Variants in TMEM156 observed in about 807,000 individuals in gnomAD.
The protein encoded by TMEM156 is transmembrane protein 156.
A neutral mutation model predicts 30.5 loss-of-function variants in TMEM156; 28 were observed. The observed-to-expected ratio is 0.92, with a 90% CI of 0.68 to 1.26. The LOEUF is 1.26. TMEM156 is among the 50% of genes most tolerant of loss of function. The pLI is 0.00. For synonymous variants in TMEM156, 137 were observed against 119.9 expected (o/e 1.14, Z -0.93); for missense variants, 351 against 340.6 (o/e 1.03, Z -0.24).
rs397879320 is a variant in TMEM156, at chr4:38,966,821, T to TTTTTG, written c.*858_*859insCAAAA. On this transcript the variant is annotated 3_prime_UTR_variant, in exon 7 of 7. Coordinates refer to ENST00000381938, the MANE Select transcript of TMEM156 (RefSeq NM_024943.3). ...TTTGATTTTTTTTTTTTTTTTTTTT[T>TTTTTG]GAGACAGAGTCTTGCTCTGCACCAG... 3.4e-5 allele frequency: 5 copies of TTTTTG among 145,676 alleles called. No homozygotes were observed. Among genetic ancestry groups the TTTTTG allele is most frequent in the African/African-American group, 1.3e-4 (5 of 37,632 alleles). The allele number at this position is 145,676 out of a possible 1,614,324, so 9.0% of individuals were successfully genotyped here.
At chr4:38,984,804 C>T (rs1711854214) in intron 5 of TMEM156, among the ~76,000 whole-genome samples, 1 of 152,158 alleles carries the variant, frequency 6.6e-6, no homozygotes. Context: ...CCTTGACCTA[C>T]ACTAAACATT....
At chr4:39,021,131 A>T (rs1364088531) in intron 1 of TMEM156, among the ~76,000 whole-genome samples, 1 of 152,182 alleles carries the variant, frequency 6.6e-6, no homozygotes, top group African/African-American at 2.4e-5. Context: ...AGCCTGATGC[A>T]GTGGTTGATG....
chr4:38,991,369 G>A (rs1028312005), intron 3 of TMEM156, among the ~76,000 whole-genome samples: 8 of 151,396 alleles, frequency 5.3e-5, no homozygotes, highest in African/African-American at 1.9e-4. Context: ...GACTAAAGGT[G>A]TGCACCACAC....
intron 3 of TMEM156, among the ~76,000 whole-genome samples, chr4:38,992,000 G>T (rs1324021244): frequency 1.3e-5 from 2 of 152,112 alleles, no homozygotes; most frequent in Non-Finnish European, 2.9e-5. Flanking sequence ...AGGTTATAGG[G>T]CCGTGGGAAA....
At chr4:38,995,333 C>T (rs557502420) in intron 2 of TMEM156, among the ~76,000 whole-genome samples, 3 of 152,208 alleles carry the variant, frequency 2.0e-5, no homozygotes, top group Non-Finnish European at 2.9e-5. Context: ...ATCCATAACA[C>T]ACATGTTACC....
At chr4:39,013,143 A>T (rs901578813) in intron 1 of TMEM156, among the ~76,000 whole-genome samples, 1 of 151,544 alleles carries the variant, frequency 6.6e-6, no homozygotes, top group African/African-American at 2.4e-5. Context: ...TATAAAAAAA[A>T]TACAAAAATC....
At chr4:39,000,196 T>C (rs1173884898) in intron 1 of TMEM156, among the ~76,000 whole-genome samples, 1 of 152,054 alleles carries the variant, frequency 6.6e-6, no homozygotes, top group Non-Finnish European at 1.5e-5. Flanking sequence ...GAGTTTGAGA[T>C]CAGCCTGGAC....
intron 1 of TMEM156, among the ~76,000 whole-genome samples, chr4:38,999,110 ATTTT>A (rs34889728): frequency 4.7e-5 from 5 of 106,110 alleles, no homozygotes; most frequent in East Asian, 2.6e-4. Context: ...TTATTTATTT[ATTTT>A]TTTTTTTTTT....
At chr4:38,981,577 C>T (rs969237918) in intron 5 of TMEM156, among the ~76,000 whole-genome samples, 2 of 152,200 alleles carry the variant, frequency 1.3e-5, no homozygotes, top group African/African-American at 4.8e-5. Flanking sequence ...ATTGACATTA[C>T]ATGGCGTGCT....
chr4:39,018,860 A>C (rs911290061), intron 1 of TMEM156, among the ~76,000 whole-genome samples: 5 of 152,042 alleles, frequency 3.3e-5, no homozygotes, highest in Admixed American at 6.6e-5. Flanking sequence ...GTCTCTACTA[A>C]AAATACAAAA....
At chr4:39,005,324 C>T (rs2110002198) in intron 1 of TMEM156, among the ~76,000 whole-genome samples, 1 of 152,228 alleles carries the variant, frequency 6.6e-6, no homozygotes, top group Non-Finnish European at 1.5e-5. Flanking sequence ...GGGTTAGTTT[C>T]CCCCAGGCTA....
chr4:39,002,208 C>T (rs978153708), intron 1 of TMEM156, among the ~76,000 whole-genome samples: 1 of 150,260 alleles, frequency 6.7e-6, no homozygotes, highest in African/African-American at 2.4e-5. Context: ...ACAACCCCAT[C>T]AAAAAGTGGG....
rs59087758 is a variant in TMEM156, at chr4:38,986,807, C to CAAAAAAAAAAA, written c.740-399_740-389dup. 8.4e-5 allele frequency among the ~76,000 whole-genome samples: 2 copies of CAAAAAAAAAAA among 23,746 alleles called. 1 individual carries two copies. The highest frequency in any genetic ancestry group is 2.8e-4 in the African/African-American group (2 of 7,232). The allele number at this position is 23,746 out of a possible 152,430, so 15.6% of individuals were successfully genotyped here. A position where few individuals can be genotyped will look rare whatever the true frequency, so the allele number is the denominator to read the frequency against. ...TGGACGAAAGAGTGAGACTCCATCTCAAAAAAAAAAAAAAAAAAAAAAAAA... is the reference window on the plus strand; with the variant it reads ...TGGACGAAAGAGTGAGACTCCATCTCAAAAAAAAAAAAAAAAAAAAAAAAAAAAAAAAAAAA... On this transcript the variant is annotated intron_variant, in intron 4 of 6. Coordinates refer to ENST00000381938, the MANE Select transcript of TMEM156 (RefSeq NM_024943.3).
chr4:38,996,840 AAAC>A (rs749505983), intron 2 of TMEM156, among the ~76,000 whole-genome samples: 2 of 152,226 alleles, frequency 1.3e-5, no homozygotes, highest in African/African-American at 4.8e-5. Flanking sequence ...CCAAGAATAG[AAAC>A]AACGTCAATG....
rs1358491005 is a variant in TMEM156 at position 38,981,009 on chromosome 4, ATCCT to A, written c.823+5323_823+5326del. On this transcript the variant is annotated intron_variant, in intron 5 of 6. Transcript: ENST00000381938. ...TGAATTTCTTCCTGCAAAAAGAATC[ATCCT>A]CTTCACTTTGATCCATTCTGTAACC... 17 of 936,766 alleles carry A rather than the reference ATCCT, an allele frequency of 1.8e-5. No individual in the cohort carries two copies. The African/African-American group carries it at 2.8e-4, about 16-fold the overall frequency. 58.0% of individuals were successfully genotyped at this position (936,766 alleles called of 1,614,324 possible).
intron 1 of TMEM156, among the ~76,000 whole-genome samples, chr4:39,029,020 C>T (rs1715367494): frequency 6.6e-6 from 1 of 152,068 alleles, no homozygotes; most frequent in South Asian, 2.1e-4. Flanking sequence ...ATGGAATATT[C>T]CTACTAATAA....
chr4:38,987,505 C>A (rs1712088562), intron 4 of TMEM156, among the ~76,000 whole-genome samples: 1 of 152,152 alleles, frequency 6.6e-6, no homozygotes, highest in Non-Finnish European at 1.5e-5. Flanking sequence ...CAACAAATAC[C>A]TAGTCAAAAG....
At chr4:39,020,648 C>T (rs12171418) in intron 1 of TMEM156, among the ~76,000 whole-genome samples, 24 of 152,188 alleles carry the variant, frequency 1.6e-4, no homozygotes, top group African/African-American at 3.4e-4. Flanking sequence ...ACCTCCCGTT[C>T]GAGCAATTCT....
intron 1 of TMEM156, among the ~76,000 whole-genome samples, chr4:39,015,370 G>A (rs187850349): frequency 6.6e-6 from 1 of 152,316 alleles, no homozygotes; most frequent in East Asian, 1.9e-4. Flanking sequence ...GTGTAATCAT[G>A]AATGTGGAAT....
Sources: gnomAD v4.1 joint callset for allele counts (sites outside exome capture counted in the v4.1 genomes callset) on GRCh38, gnomAD v4.1.1 for gene constraint, MANE v1.5 for transcripts, NCBI Gene and HGNC (gene_info 2026-07-23, HGNC 2026-07-21) for gene names.